Variants in DCC observed in about 807,000 individuals in gnomAD.
DCC encodes netrin receptor DCC.
DCC carries 58 observed loss-of-function variants against 172.5 expected under a neutral mutation model. The ratio of observed to expected loss-of-function variants is 0.34; its 90% CI spans 0.27 to 0.42. The LOEUF (loss-of-function observed/expected upper bound fraction) is 0.42. Ranked by LOEUF, DCC falls within the 10% of genes least tolerant of loss-of-function variation. The pLI, the probability that DCC is intolerant of heterozygous loss-of-function variation, is 1.00. For missense variants in DCC, 1,740 were observed against 1,791.0 expected, an observed-to-expected ratio of 0.97 and a Z score of 0.51; for synonymous variants, 709 against 644.5, an observed-to-expected ratio of 1.10 and a Z score of -1.52.
intron 15 of DCC, among the ~76,000 whole-genome samples, chr18:53,351,395 T>TAC (rs1363842734): frequency 0.24 from 7,086 of 29,366 alleles, 2,094 homozygotes; most frequent in South Asian, 0.49. Context: ...TATATATATA[T>TAC]ACAGTGTATA....
intron 5 of DCC, among the ~76,000 whole-genome samples, chr18:53,028,809 G>C (rs1323950275): frequency 6.6e-6 from 1 of 152,102 alleles, no homozygotes; most frequent in African/African-American, 2.4e-5. Flanking sequence ...GTATGACCAT[G>C]AAGGAAACAA....
intron 12 of DCC, among the ~76,000 whole-genome samples, chr18:53,222,808 A>G (rs867351012): frequency 2.0e-5 from 3 of 152,098 alleles, no homozygotes; most frequent in East Asian, 3.9e-4. Context: ...TTTTTTACCA[A>G]TTGTTTTTTC....
At chr18:53,336,402 T>A (rs1051363361) in intron 14 of DCC, among the ~76,000 whole-genome samples, 2 of 152,218 alleles carry the variant, frequency 1.3e-5, no homozygotes, top group African/African-American at 4.8e-5. Context: ...TGCCTTTGTA[T>A]TAAGAAGTGA....
intron 5 of DCC, among the ~76,000 whole-genome samples, chr18:53,034,785 G>C (rs978648416): frequency 6.6e-6 from 1 of 151,744 alleles, no homozygotes; most frequent in Non-Finnish European, 1.5e-5. Context: ...TCTGGCATTG[G>C]TGTGCTCATC....
At chr18:52,345,439 G>A (rs2144229245) in intron 1 of DCC, among the ~76,000 whole-genome samples, 1 of 152,214 alleles carries the variant, frequency 6.6e-6, no homozygotes, top group South Asian at 2.1e-4. Context: ...AGAGTTTCAT[G>A]AGTTGTCACA....
intron 2 of DCC, among the ~76,000 whole-genome samples, chr18:52,879,412 C>CTTTTGTTTTTTTTTT (rs2039448452): frequency 1.6e-5 from 1 of 62,356 alleles, no homozygotes; most frequent in Non-Finnish European, 2.9e-5. Context: ...TGTTGTTTGG[C>CTTTTGTTTTTTTTTT]TTTTTTTTTT....
At chr18:53,297,351 A>T (rs1218783338) in intron 12 of DCC, among the ~76,000 whole-genome samples, 2 of 152,192 alleles carry the variant, frequency 1.3e-5, no homozygotes, top group Admixed American at 6.5e-5. Flanking sequence ...TTTTATGGTG[A>T]TCAAAGAGGG....
At chr18:53,277,130 A>G (rs2056815187) in intron 12 of DCC, among the ~76,000 whole-genome samples, 1 of 152,306 alleles carries the variant, frequency 6.6e-6, no homozygotes, top group African/African-American at 2.4e-5. Flanking sequence ...ATACAGGAAT[A>G]CATTTTAATT....
chr18:53,174,834 G>A (rs2055065970), intron 8 of DCC, among the ~76,000 whole-genome samples: 1 of 152,120 alleles, frequency 6.6e-6, no homozygotes, highest in African/African-American at 2.4e-5. Flanking sequence ...TACGAGGCCA[G>A]CATCATTCTG....
chr18:52,870,971 G>C (rs894746611), intron 2 of DCC, among the ~76,000 whole-genome samples: 1 of 152,112 alleles, frequency 6.6e-6, no homozygotes, highest in Non-Finnish European at 1.5e-5. Flanking sequence ...CTTTTGGGCA[G>C]TTACAGTCAC....
At chr18:53,127,005 A>C (rs1223770385) in intron 7 of DCC, among the ~76,000 whole-genome samples, 1 of 152,082 alleles carries the variant, frequency 6.6e-6, no homozygotes, top group Non-Finnish European at 1.5e-5. Flanking sequence ...CCAGGAGCCA[A>C]AGTCTGGCAA....
intron 1 of DCC, among the ~76,000 whole-genome samples, chr18:52,704,253 T>A (rs918534947): frequency 2.0e-5 from 3 of 152,098 alleles, no homozygotes; most frequent in Non-Finnish European, 4.4e-5. Context: ...ATATTTTACT[T>A]TTACACGGAA....
chr18:52,824,331 G>A (rs2038466332), intron 2 of DCC, among the ~76,000 whole-genome samples: 1 of 152,150 alleles, frequency 6.6e-6, no homozygotes, highest in African/African-American at 2.4e-5. Flanking sequence ...AAGAAAAACA[G>A]TGGTTGGAAA....
At chr18:52,387,973 C>T (rs1985881017) in intron 1 of DCC, among the ~76,000 whole-genome samples, 1 of 151,964 alleles carries the variant, frequency 6.6e-6, no homozygotes, top group African/African-American at 2.4e-5. Flanking sequence ...CCTTGACAAC[C>T]CTGGAGGGTG....
chr18:52,367,547 C>T (rs1984934650), intron 1 of DCC, among the ~76,000 whole-genome samples: 1 of 152,218 alleles, frequency 6.6e-6, no homozygotes, highest in Non-Finnish European at 1.5e-5. Context: ...TGAATATTTA[C>T]TTTGAGTCCT....
chr18:53,068,039 G>T (rs896803266), intron 7 of DCC, among the ~76,000 whole-genome samples: 5 of 152,080 alleles, frequency 3.3e-5, no homozygotes, highest in African/African-American at 1.2e-4. Context: ...GAGTCAAGAA[G>T]CTAAAGGAAC....
chr18:53,288,833 G>A (rs2056965071), intron 12 of DCC, among the ~76,000 whole-genome samples: 1 of 152,086 alleles, frequency 6.6e-6, no homozygotes, highest in African/African-American at 2.4e-5. Context: ...GAATAGACTT[G>A]CTCTTTCTGC....
In DCC at chr18:52,599,852, C is replaced by T. The variant is rs572828093; in HGVS notation, c.92-152202C>T. Among the ~76,000 whole-genome samples, 7 of 152,186 alleles carry T rather than the reference C, an allele frequency of 4.6e-5. No homozygotes were observed. In the East Asian group the frequency reaches 9.7e-4, roughly 21 times the overall value. ...TTTAAAAAGCAAAAAAAAATCTTAG[C>T]TTGATAACCATATGAGAATAGGCAA... On this transcript the variant is annotated intron_variant, in intron 1 of 28. Coordinates refer to ENST00000442544, the MANE Select transcript of DCC (RefSeq NM_005215.4).
intron 12 of DCC, among the ~76,000 whole-genome samples, chr18:53,263,245 G>C (rs2056627072): frequency 6.6e-6 from 1 of 152,120 alleles, no homozygotes; most frequent in Non-Finnish European, 1.5e-5. Context: ...TCCGCCTCTG[G>C]GGTTCAAGCG....
Sources: gnomAD v4.1 joint callset for allele counts (sites outside exome capture counted in the v4.1 genomes callset) on GRCh38, gnomAD v4.1.1 for gene constraint, MANE v1.5 for transcripts, NCBI Gene and HGNC (gene_info 2026-07-23, HGNC 2026-07-21) for gene names.